The following MCTP2 variants were observed in gnomAD, a reference collection of about 807,000 sequenced individuals.
MCTP2 encodes the protein multiple C2 and transmembrane domain-containing protein 2.
Under a neutral mutation model 111.6 loss-of-function variants are expected in MCTP2, and 132 were observed. The ratio of observed to expected loss-of-function variants is 1.18; its 90% CI spans 1.03 to 1.37. The LOEUF (loss-of-function observed/expected upper bound fraction) is 1.37. Ranked by LOEUF, MCTP2 falls within the 40% of genes most tolerant of loss-of-function variation. The pLI, the probability that MCTP2 is intolerant of heterozygous loss-of-function variation, is 0.00. For missense variants in MCTP2, 1,183 were observed against 1,067.9 expected, an observed-to-expected ratio of 1.11 and a Z score of -1.50; for synonymous variants, 395 against 387.7, an observed-to-expected ratio of 1.02 and a Z score of -0.22.
At chr15:94,389,161 C>A (rs1407432869) in intron 14 of MCTP2, among the ~76,000 whole-genome samples, 2 of 150,842 alleles carry the variant, frequency 1.3e-5, no homozygotes, top group Non-Finnish European at 3.0e-5. Context: ...GGAGTTTGAG[C>A]TGGGTCAGGG....
At chr15:94,258,668 A>T (rs576667003) in intron 1 of MCTP2, among the ~76,000 whole-genome samples, 2 of 152,316 alleles carry the variant, frequency 1.3e-5, no homozygotes, top group South Asian at 4.1e-4. Flanking sequence ...AAACCAAAAA[A>T]ATCTTGTCTA....
At chr15:94,286,995 T>C (rs2074790240) in intron 1 of MCTP2, among the ~76,000 whole-genome samples, 1 of 152,216 alleles carries the variant, frequency 6.6e-6, no homozygotes, top group Non-Finnish European at 1.5e-5. Flanking sequence ...TTTATGACAA[T>C]AACCTATGAA....
Position 94,358,490 on chromosome 15 carries a change from T to C in MCTP2, c.1179T>C (p.Cys393=), listed in dbSNP as rs1356680927. The change falls in exon 10 of 23, where the codon TGT becomes TGC. Residue 393 remains cysteine (C), a synonymous_variant. Transcript: ENST00000357742. ...GDQRYKSKTL[C]KSANPQWQEQ... is the part of the protein sequence containing the mutation. Reference sequence around the variant, plus strand: ...AACTGCATGTTTTCTAGACACTGTGTAAGAGTGCAAATCCGCAGTGGCAGG... The same window carrying C: ...AACTGCATGTTTTCTAGACACTGTGCAAGAGTGCAAATCCGCAGTGGCAGG... The C allele has an allele frequency of 6.2e-7, 1 of 1,613,352 alleles. No individual in the cohort carries two copies.
At chr15:94,421,396 A>G (rs1482914849) in intron 17 of MCTP2, among the ~76,000 whole-genome samples, 1 of 152,220 alleles carries the variant, frequency 6.6e-6, no homozygotes, top group Admixed American at 6.5e-5. Context: ...GTGACAAATT[A>G]TCAAAGACAT....
At position 94,302,892 on chromosome 15, in the gene MCTP2, G is replaced by A. The variant is rs549884428; in HGVS notation, c.465+4162G>A. 2.2e-4 allele frequency among the ~76,000 whole-genome samples: 34 copies of A among 151,848 alleles called. 2 individuals are homozygous for A. The South Asian group carries it at 6.4e-3, about 29-fold the overall frequency. ...ACGGGGCAAATTACAAAAGAAAGAC[G>A]TTTAATATGGACGACTTACAGTTCC... On this transcript the variant is annotated intron_variant, in intron 2 of 22. Coordinates refer to ENST00000357742, the MANE Select transcript of MCTP2 (RefSeq NM_001385001.1).
chr15:94,384,264 AT>A (rs3217405), intron 13 of MCTP2, 140 bp downstream of exon 13: 283,194 of 598,762 alleles, frequency 0.47, 75,551 homozygotes, highest in African/African-American at 0.86. Context: ...GTATCCTTTC[AT>A]TTTTATAGAG....
At chr15:94,464,259 A>ATATATATATATTATATATATATAT (rs1567764858) in intron 20 of MCTP2, among the ~76,000 whole-genome samples, 4 of 42,132 alleles carry the variant, frequency 9.5e-5, no homozygotes, top group Middle Eastern at 0.026. Context: ...TATATATATT[A>ATATATATATATTATATATATATAT]TATATATATA....
chr15:94,247,152 T>C (rs777906052), intron 1 of MCTP2, among the ~76,000 whole-genome samples: 16 of 152,192 alleles, frequency 1.1e-4, no homozygotes, highest in Admixed American at 4.6e-4. Flanking sequence ...TGCGTGTGTG[T>C]GCGCGTGAGT....
chr15:94,256,329 TC>T (rs151190778), intron 1 of MCTP2, among the ~76,000 whole-genome samples: 5,783 of 152,212 alleles, frequency 0.038, 218 homozygotes, highest in East Asian at 0.12. Flanking sequence ...TGTTCCAAAA[TC>T]TACAAAAATC....
At chr15:94,243,329 GCGTATATGCGTATGTACA>G (rs1567251071) in intron 1 of MCTP2, among the ~76,000 whole-genome samples, 44 of 145,526 alleles carry the variant, frequency 3.0e-4, no homozygotes, top group African/African-American at 1.0e-3. Context: ...ACATACGTAT[GCGTATATGCGTATGTACA>G]TACATACGTA....
intron 1 of MCTP2, among the ~76,000 whole-genome samples, chr15:94,261,124 C>T (rs981596445): frequency 6.6e-6 from 1 of 152,152 alleles, no homozygotes; most frequent in African/African-American, 2.4e-5. Context: ...CCACCCACCC[C>T]TGCTTCAAGT....
intron 17 of MCTP2, chr15:94,403,084 G>C (rs1415071455): frequency 4.1e-6 from 4 of 986,438 alleles, no homozygotes; most frequent in Non-Finnish European, 4.8e-6. Flanking sequence ...TCCAAAAGAG[G>C]CTTTTCCTTT....
chr15:94,404,304 G>GC (rs1328982476), intron 17 of MCTP2, among the ~76,000 whole-genome samples: 1 of 136,942 alleles, frequency 7.3e-6, no homozygotes, highest in East Asian at 2.1e-4. Context: ...ATTTTTTATT[G>GC]TTTTTTTTTT....
At chr15:94,444,001 A>AAAAAAAAAAAG (rs2083966189) in intron 19 of MCTP2, among the ~76,000 whole-genome samples, 1 of 149,996 alleles carries the variant, frequency 6.7e-6, no homozygotes, top group Non-Finnish European at 1.5e-5. Context: ...AAAAAAAAAA[A>AAAAAAAAAAAG]AAAAACAGAA....
At chr15:94,282,940 C>A (rs75762567) in intron 1 of MCTP2, among the ~76,000 whole-genome samples, 3,376 of 152,114 alleles carry the variant, frequency 0.022, 119 homozygotes, top group African/African-American at 0.076. Flanking sequence ...TTCACAGTCC[C>A]CTAGCAGCAA....
chr15:94,315,513 T>C lies in MCTP2; in HGVS notation c.529-16T>C. On this transcript the variant is annotated splice_polypyrimidine_tract_variant and intron_variant, in intron 3 of 22. Coordinates refer to ENST00000357742, the MANE Select transcript of MCTP2 (RefSeq NM_001385001.1). ...CCCAAGACATACTGTCTTAACTGCC[T>C]TCTCCATCTGTGCAGGTACCGGGGG... 6.3e-7 allele frequency: 1 copy of C among 1,597,196 alleles called. No individual in the cohort carries two copies. The highest frequency in any genetic ancestry group is 2.2e-5 in the East Asian group (1 of 44,780).
At position 94,480,325 on chromosome 15, in the gene MCTP2, T is replaced by G. The variant is rs2074664175; in HGVS notation, c.*1291T>G. The G allele has an allele frequency of 6.6e-6, 1 of 151,920 alleles. No homozygotes were observed. The highest frequency in any genetic ancestry group is 2.4e-5 in the African/African-American group (1 of 41,426). 9.4% of individuals were successfully genotyped at this position (151,920 alleles called of 1,614,324 possible). ...TCATTTAATAGTGAGTTCACTATTT[T>G]TTTTTTTTTGTCTCTGGGTTGTAAT... On this transcript the variant is annotated 3_prime_UTR_variant, in exon 23 of 23. Coordinates refer to ENST00000357742, the MANE Select transcript of MCTP2 (RefSeq NM_001385001.1).
intron 19 of MCTP2, among the ~76,000 whole-genome samples, chr15:94,448,324 T>C (rs539821228): frequency 1.3e-5 from 2 of 152,276 alleles, no homozygotes; most frequent in South Asian, 4.1e-4. Flanking sequence ...ATTCTAAGGA[T>C]TGTAGTATAT....
intron 17 of MCTP2, among the ~76,000 whole-genome samples, chr15:94,423,714 G>T (rs1203996307): frequency 6.6e-6 from 1 of 152,188 alleles, no homozygotes. Flanking sequence ...GCTGCCAATG[G>T]TAGTGGCTGC....
Sources: allele counts gnomAD v4.1 joint callset (sites outside exome capture counted in the v4.1 genomes callset), GRCh38; gene constraint gnomAD v4.1.1; transcripts MANE v1.5; gene names NCBI Gene and HGNC (gene_info 2026-07-23, HGNC 2026-07-21).